Variants in ZNF773 observed in about 807,000 individuals in gnomAD.
ZNF773 encodes the protein zinc finger protein 419B.
ZNF773 carries 11 observed loss-of-function variants against 12.8 expected under a neutral mutation model. That is an observed-to-expected ratio of 0.86 (90% confidence interval 0.54 to 1.42). The LOEUF is 1.42. Among genes scored for constraint, ZNF773 ranks in the 40% most tolerant of loss-of-function variants. The pLI, the probability that ZNF773 is intolerant of heterozygous loss-of-function variation, is 0.00. For synonymous variants in ZNF773, 175 were observed against 178.4 expected (o/e 0.98, Z 0.15); for missense variants, 518 against 527.2 (o/e 0.98, Z 0.17).
chr19:57,508,417 G>T (rs113188221), downstream of ZNF773: 12 of 643,280 alleles, frequency 1.9e-5, no homozygotes, highest in East Asian at 2.7e-5. Flanking sequence ...ACTCACTTTT[G>T]CTGTTCTTAT....
rs1318240365 is a variant in ZNF773, at chr19:57,507,602, G to T, written c.*178G>T. 1 of 1,403,538 alleles carries T rather than the reference G, an allele frequency of 7.1e-7. No individual in the cohort carries two copies. Among genetic ancestry groups the T allele is most frequent in the African/African-American group, 1.4e-5 (1 of 69,196 alleles). The allele number at this position is 1,403,538 out of a possible 1,614,324, so 86.9% of individuals were successfully genotyped here. On this transcript the variant is annotated 3_prime_UTR_variant, in exon 4 of 4. Coordinates refer to ENST00000282292, the MANE Select transcript of ZNF773 (RefSeq NM_198542.3). ...AATATGGTAAAAGGCCTCAGCCAAA[G>T]GCCTAACCGTATTCAACACCAGAAA...
At position 57,506,584 on chromosome 19, in the gene ZNF773, C is replaced by T. The variant is rs139587184; in HGVS notation, c.489C>T (p.Leu163=). ...ATCTTCTGACCAGCTCAGGTGTTCT[C>T]AAGCACCAGGTGACTCACACGGGAG... The part of the protein sequence containing the change: ...GKDLLTSSGV[L]KHQVTHTGEK... The change falls in exon 4 of 4, where the codon CTC becomes CTT. Residue 163 remains leucine (L), a synonymous_variant. Transcript: ENST00000282292. 28 of 1,614,072 alleles carry T rather than the reference C, an allele frequency of 1.7e-5. No homozygotes were observed. In the Admixed American group the frequency reaches 1.8e-4, roughly 11 times the overall value.
chr19:57,513,178 G>T, downstream of ZNF773: 1 of 1,234,714 alleles, frequency 8.1e-7, no homozygotes, highest in Non-Finnish European at 1.0e-6. Flanking sequence ...GGTACTGGGA[G>T]TGGGAAGTTT....
At chr19:57,511,869 T>TA (rs147280458), downstream of ZNF773, among the ~76,000 whole-genome samples, 18 of 149,790 alleles carry the variant, frequency 1.2e-4, no homozygotes, top group Non-Finnish European at 2.2e-4. Flanking sequence ...ACAGCATAGA[T>TA]AAAAAAAAGC....
chr19:57,507,014 G>A lies in ZNF773; in HGVS notation c.919G>A (p.Glu307Lys), dbSNP rs775189400. Residue 307 changes from glutamate to lysine, a missense_variant, in exon 4 of 4, where the codon GAA (glutamate) becomes AAA (lysine). Glu to Lys is a moderately conservative substitution (Grantham distance 56). Transcript: ENST00000282292. ...TGGAGTAAGGCCTTATGAGTGCAGT[G>A]AATGTGGAAAATTGTTTAGTTTCAA... Reference protein sequence around the residue: ...HTGVRPYECSECGKLFSFNSS... With the variant: ...HTGVRPYECSKCGKLFSFNSS... 3.3e-5 allele frequency: 54 copies of A among 1,614,234 alleles called. No individual in the cohort carries two copies. The South Asian group carries it at 5.6e-4, about 17-fold the overall frequency.
chr19:57,501,357 A>C (rs964307262), intron 1 of ZNF773, among the ~76,000 whole-genome samples: 1 of 150,610 alleles, frequency 6.6e-6, no homozygotes, highest in Non-Finnish European at 1.5e-5. Flanking sequence ...TTGGGATTAC[A>C]GGCTTGAGCC....
intron 1 of ZNF773, among the ~76,000 whole-genome samples, chr19:57,504,129 G>T (rs2089699962): frequency 6.6e-6 from 1 of 152,204 alleles, no homozygotes; most frequent in Admixed American, 6.5e-5. Flanking sequence ...TGGGGCTGAG[G>T]GTTGCCCCTG....
Position 57,506,535 on chromosome 19 carries a change from T to G in ZNF773, c.440T>G (p.Leu147Trp), listed in dbSNP as rs1193491107. 3.7e-6 allele frequency: 6 copies of G among 1,614,140 alleles called. No homozygotes were observed. Among genetic ancestry groups the G allele is most frequent in the Middle Eastern group, 3.3e-4 (2 of 6,062 alleles). Residue 147 changes from leucine (L) to tryptophan (W), a missense_variant, in exon 4 of 4, where the codon TTG (leucine) becomes TGG (tryptophan). Leu to Trp is a moderately conservative substitution (Grantham distance 61, BLOSUM62 -2). Coordinates refer to ENST00000282292, the MANE Select transcript of ZNF773 (RefSeq NM_198542.3). ...AGAGTCCACCTATCAGAGAAGTCCT[T>G]GCAAAGCAGGGAAGTTGGGAAGGAT... ...SCRVHLSEKS[L>W]QSREVGKDLL...
At chr19:57,511,732 CACACATACACACAT>C (rs2089797379), downstream of ZNF773, among the ~76,000 whole-genome samples, 1 of 135,758 alleles carries the variant, frequency 7.4e-6, no homozygotes, top group African/African-American at 3.3e-5. Flanking sequence ...CACACACACA[CACACATACACACAT>C]ACACACACTC....
At chr19:57,505,895 G>C (rs145127317) in intron 3 of ZNF773, among the ~76,000 whole-genome samples, 1 of 152,112 alleles carries the variant, frequency 6.6e-6, no homozygotes, top group Non-Finnish European at 1.5e-5. Context: ...ATTTTTAGTA[G>C]AGACTGGGTT....
At chr19:57,510,761 T>C (rs1024927013), downstream of ZNF773, among the ~76,000 whole-genome samples, 2 of 152,156 alleles carry the variant, frequency 1.3e-5, no homozygotes, top group Admixed American at 6.5e-5. Context: ...CATAAAAATA[T>C]GAAATATTTA....
downstream of ZNF773, among the ~76,000 whole-genome samples, chr19:57,508,733 T>C (rs1243435314): frequency 6.6e-6 from 1 of 150,536 alleles, no homozygotes; most frequent in Non-Finnish European, 1.5e-5. Context: ...TTTTACTAAG[T>C]GTGCAGTAGT....
chr19:57,511,956 C>T, downstream of ZNF773, among the ~76,000 whole-genome samples: 1 of 152,076 alleles, frequency 6.6e-6, no homozygotes, highest in East Asian at 1.9e-4. Flanking sequence ...GAAGAAGCTG[C>T]AAAACTAGAG....
At position 57,507,298 on chromosome 19, in the gene ZNF773, C is replaced by T. The variant is rs764934508; in HGVS notation, c.1203C>T (p.Ser401=). 3 of 1,614,068 alleles carry T rather than the reference C, an allele frequency of 1.9e-6. No individual in the cohort carries two copies. In the South Asian group the frequency reaches 3.3e-5, roughly 18 times the overall value. ...ECGRFFSENS[S]LVKHQRVHTG... Reference sequence around the variant, plus strand: ...GGAGATTCTTTAGTGAGAATTCCAGCCTTGTTAAACATCAGAGGGTTCACA... The same window carrying T: ...GGAGATTCTTTAGTGAGAATTCCAGTCTTGTTAAACATCAGAGGGTTCACA... Residue 401 remains serine (S), a synonymous_variant, in exon 4 of 4, where the codon AGC becomes AGT. Coordinates refer to ENST00000282292, the MANE Select transcript of ZNF773 (RefSeq NM_198542.3).
In ZNF773 at chr19:57,507,266, G is replaced by A; in HGVS notation, c.1171G>A (p.Glu391Lys). 6.2e-7 allele frequency: 1 copy of A among 1,611,296 alleles called. No individual in the cohort carries two copies. The highest frequency in any genetic ancestry group is 1.1e-5 in the South Asian group (1 of 91,008). ...TGGAGAAAAACCTTTTAAGTGCAAT[G>A]AATGTGGGAGATTCTTTAGTGAGAA... is the stretch of plus-strand genomic sequence containing the variant. ...HTGEKPFKCN[E>K]CGRFFSENSS... Residue 391 changes from glutamate (E) to lysine (K), a missense_variant, in exon 4 of 4, where the codon GAA (glutamate) becomes AAA (lysine). Coordinates refer to ENST00000282292, the MANE Select transcript of ZNF773 (RefSeq NM_198542.3).
downstream of ZNF773, chr19:57,508,491 C>T (rs1256658838): frequency 7.2e-6 from 5 of 698,074 alleles, no homozygotes; most frequent in Admixed American, 4.1e-5. Context: ...CTTCCAGAGA[C>T]TGAATTGTGT....
rs540888636 is a variant in ZNF773 at position 57,507,405 on chromosome 19, A to T, written c.1310A>T (p.His437Leu). The T allele has an allele frequency of 2.9e-5, 47 of 1,600,230 alleles. No homozygotes were observed. In the Admixed American group the frequency reaches 8.3e-4, roughly 28 times the overall value. ...SSSLVKHRRIHTGEIQ is the reference protein window; with the variant it reads ...SSSLVKHRRILTGEIQ ...AGTCTTGTTAAACATCGAAGGATTC[A>T]CACTGGAGAAATACAATGATTGTGA... Residue 437 changes from histidine (H) to leucine (L), a missense_variant, in exon 4 of 4, where the codon CAC (histidine) becomes CTC (leucine). By Grantham distance (99) the His-to-Leu change is moderately conservative. Transcript: ENST00000282292.
At chr19:57,505,720 T>TTG in intron 3 of ZNF773, among the ~76,000 whole-genome samples, 1 of 150,176 alleles carries the variant, frequency 6.7e-6, no homozygotes, top group African/African-American at 2.4e-5. Context: ...TTGTTTTTTT[T>TTG]TTTTTTTTTT....
chr19:57,507,924 G>A lies in ZNF773; in HGVS notation c.*500G>A, dbSNP rs953675822. 1 of 170,730 alleles carries A rather than the reference G, an allele frequency of 5.9e-6. No individual in the cohort carries two copies. The highest frequency in any genetic ancestry group is 2.5e-5 in the African/African-American group (1 of 39,850). 10.6% of individuals were successfully genotyped at this position (170,730 alleles called of 1,614,324 possible). On this transcript the variant is annotated 3_prime_UTR_variant, in exon 4 of 4. Coordinates refer to ENST00000282292, the MANE Select transcript of ZNF773 (RefSeq NM_198542.3). ...GGAGGCAGAGTTTGCGGTGAGCTGA[G>A]ATCACGCCACTGCACTCCAGACTGG...
Sources: gnomAD v4.1 joint callset for allele counts (sites outside exome capture counted in the v4.1 genomes callset) on GRCh38, gnomAD v4.1.1 for gene constraint, MANE v1.5 for transcripts, NCBI Gene and HGNC (gene_info 2026-07-23, HGNC 2026-07-21) for gene names.